Variants in SLC35F4 observed in about 807,000 individuals in gnomAD.
The protein encoded by SLC35F4 is solute carrier family 35 member F4, also known as chromosome 14 open reading frame 36.
SLC35F4 carries 24 observed loss-of-function variants against 44.2 expected under a neutral mutation model. That is an observed-to-expected ratio of 0.54 (90% CI 0.39 to 0.76). The LOEUF (loss-of-function observed/expected upper bound fraction) is 0.76. SLC35F4 is among the 30% of genes least tolerant of loss of function. The probability of loss-of-function intolerance (pLI) is 0.00; values close to 1 mark genes in which losing one functional copy is unlikely to be tolerated. For synonymous variants in SLC35F4, 238 were observed against 223.6 expected, an observed-to-expected ratio of 1.06 and a Z score of -0.57; for missense variants, 562 against 586.1, an observed-to-expected ratio of 0.96 and a Z score of 0.42.
chr14:57,780,485 T>C (rs1046818519), intron 1 of SLC35F4, among the ~76,000 whole-genome samples: 1 of 152,004 alleles, frequency 6.6e-6, no homozygotes, highest in African/African-American at 2.4e-5. Context: ...ATAGAAAGAA[T>C]CAATATTGTT....
At chr14:57,722,901 G>T (rs1425335710) in intron 1 of SLC35F4, among the ~76,000 whole-genome samples, 1 of 152,172 alleles carries the variant, frequency 6.6e-6, no homozygotes, top group Non-Finnish European at 1.5e-5. Flanking sequence ...CACCTTGAAT[G>T]AAGGGGAAGG....
At chr14:57,909,881 G>T (rs899504350) in intron 1 of SLC35F4, among the ~76,000 whole-genome samples, 1 of 152,050 alleles carries the variant, frequency 6.6e-6, no homozygotes, top group Non-Finnish European at 1.5e-5. Context: ...TTTTAATTTT[G>T]TAAGAAACTG....
intron 1 of SLC35F4, among the ~76,000 whole-genome samples, chr14:57,818,475 G>A (rs1882839252): frequency 1.3e-5 from 2 of 152,118 alleles, no homozygotes; most frequent in Admixed American, 6.5e-5. Context: ...GTAAAGATGG[G>A]AGCTATTGAC....
intron 1 of SLC35F4, among the ~76,000 whole-genome samples, chr14:57,815,144 C>T (rs563807885): frequency 2.0e-5 from 3 of 152,298 alleles, no homozygotes; most frequent in East Asian, 3.9e-4. Flanking sequence ...TAACCCTCTA[C>T]AGAAAGTTTG....
chr14:57,969,318 G>C (rs1355067566), intron 1 of SLC35F4, among the ~76,000 whole-genome samples: 1 of 152,218 alleles, frequency 6.6e-6, no homozygotes, highest in African/African-American at 2.4e-5. Flanking sequence ...GTTTATTTTA[G>C]AAGAATGTTG....
intron 1 of SLC35F4, among the ~76,000 whole-genome samples, chr14:57,605,353 A>T (rs1445859322): frequency 1.3e-5 from 2 of 152,230 alleles, no homozygotes; most frequent in Non-Finnish European, 2.9e-5. Flanking sequence ...TACATGAAAA[A>T]AATCCTCATC....
At position 57,612,021 on chromosome 14, in the gene SLC35F4, A is replaced by C. The variant is rs139493022; in HGVS notation, c.104-17897T>G. 1.1e-3 allele frequency among the ~76,000 whole-genome samples: 173 copies of C among 152,294 alleles called. 1 individual carries two copies. Among genetic ancestry groups the C allele is most frequent in the African/African-American group, 3.8e-3 (158 of 41,570 alleles). ...CTTGAGACAATATCTCAAGTGACAC[A>C]GTGACAATGTCCTCACTGTGGTGCA... On this transcript the variant is annotated intron_variant, in intron 1 of 7. Transcript: ENST00000556826.
chr14:57,880,528 A>C (rs1362661984), intron 1 of SLC35F4, among the ~76,000 whole-genome samples: 1 of 152,202 alleles, frequency 6.6e-6, no homozygotes, highest in Non-Finnish European at 1.5e-5. Context: ...CTTGATTTGG[A>C]GGTACATTGA....
intron 1 of SLC35F4, among the ~76,000 whole-genome samples, chr14:57,871,564 C>T (rs1451916012): frequency 6.6e-6 from 1 of 152,324 alleles, no homozygotes; most frequent in East Asian, 1.9e-4. Context: ...CTGCATATTA[C>T]TTGTCACACA....
intron 1 of SLC35F4, among the ~76,000 whole-genome samples, chr14:57,858,933 T>TAAAAA (rs112008222): frequency 8.4e-6 from 1 of 118,450 alleles, no homozygotes; most frequent in East Asian, 2.3e-4. Context: ...ACCTGATCTC[T>TAAAAA]AAAAAAAAAA....
intron 1 of SLC35F4, among the ~76,000 whole-genome samples, chr14:57,735,639 C>T (rs1184520362): frequency 6.6e-6 from 1 of 152,144 alleles, no homozygotes; most frequent in Non-Finnish European, 1.5e-5. Context: ...TTCCTCAAGG[C>T]CTCACCCTGG....
chr14:57,692,257 T>G (rs1275983263), intron 1 of SLC35F4, among the ~76,000 whole-genome samples: 1 of 152,198 alleles, frequency 6.6e-6, no homozygotes, highest in Non-Finnish European at 1.5e-5. Flanking sequence ...TTGTGGTAAA[T>G]CCATTGTTTT....
At chr14:57,870,420 A>C (rs1033113996), upstream of SLC35F4, among the ~76,000 whole-genome samples, 2 of 152,114 alleles carry the variant, frequency 1.3e-5, no homozygotes, top group African/African-American at 4.8e-5. Flanking sequence ...TGAAATCTCT[A>C]TGACTCAATT....
chr14:57,740,637 A>G (rs957888661), intron 1 of SLC35F4, among the ~76,000 whole-genome samples: 3 of 152,264 alleles, frequency 2.0e-5, no homozygotes, highest in Non-Finnish European at 2.9e-5. Flanking sequence ...TAAAATAGCT[A>G]GAAGAGAAGA....
At chr14:57,591,276 C>G (rs2070163045) in intron 2 of SLC35F4, among the ~76,000 whole-genome samples, 1 of 147,650 alleles carries the variant, frequency 6.8e-6, no homozygotes, top group Admixed American at 7.1e-5. Flanking sequence ...CAATGCCAGA[C>G]AAGTACTTGT....
chr14:57,583,335 C>G (rs754861077), intron 3 of SLC35F4, among the ~76,000 whole-genome samples: 1 of 147,222 alleles, frequency 6.8e-6, no homozygotes, highest in Non-Finnish European at 1.5e-5. Flanking sequence ...AGTTGAGAGT[C>G]GTGGGTTTAT....
intron 1 of SLC35F4, among the ~76,000 whole-genome samples, chr14:57,658,461 G>T (rs956020954): frequency 6.6e-6 from 1 of 152,092 alleles, no homozygotes. Context: ...TTCTTTCCAG[G>T]TCTGCATATA....
intron 1 of SLC35F4, among the ~76,000 whole-genome samples, chr14:57,676,579 T>C (rs1426766203): frequency 1.3e-5 from 2 of 152,034 alleles, no homozygotes; most frequent in African/African-American, 4.8e-5. Context: ...AACTTAAAAT[T>C]AATTTTTTTA....
At chr14:57,969,560 T>G (rs1405061554) in intron 1 of SLC35F4, among the ~76,000 whole-genome samples, 1 of 152,232 alleles carries the variant, frequency 6.6e-6, no homozygotes, top group African/African-American at 2.4e-5. Flanking sequence ...TACACTTATT[T>G]TCACCCAGTG....
Sources: gnomAD v4.1 joint callset for allele counts (sites outside exome capture counted in the v4.1 genomes callset) on GRCh38, gnomAD v4.1.1 for gene constraint, MANE v1.5 for transcripts, NCBI Gene and HGNC (gene_info 2026-07-23, HGNC 2026-07-21) for gene names.